NBPF15: variants seen among roughly 807,000 people sequenced by gnomAD.
The protein encoded by NBPF15 is NBPF family member NBPF15.
Under a neutral mutation model 62.2 loss-of-function variants are expected in NBPF15, and 74 were observed. That is an observed-to-expected ratio of 1.19 (90% confidence interval 0.99 to 1.44). NBPF15 has a LOEUF of 1.44. Ranked by LOEUF, NBPF15 falls within the 40% of genes most tolerant of loss-of-function variation. The probability of loss-of-function intolerance (pLI) is 0.00; values close to 1 mark genes in which losing one functional copy is unlikely to be tolerated. For synonymous variants in NBPF15, 244 were observed against 209.7 expected (o/e 1.16, Z -1.41); for missense variants, 790 against 550.0 (o/e 1.44, Z -4.36).
intron 1 of NBPF15, 127 bp downstream of exon 1, chr1:144,461,254 A>C (rs144861407): frequency 3.9e-5 from 6 of 151,988 alleles, no homozygotes; most frequent in Non-Finnish European, 8.8e-5. Flanking sequence ...CATGGAACTT[A>C]AGCCCCGGCG....
At chr1:144,423,455 G>T (rs1444432447) in intron 21 of NBPF15, among the ~76,000 whole-genome samples, 199 bp from the exon 22 acceptor site, 50 of 146,976 alleles carry the variant, frequency 3.4e-4, no homozygotes, top group Non-Finnish European at 6.7e-4. Flanking sequence ...GAGAAAGACA[G>T]AGAGAGAGAG....
At chr1:144,425,081 C>CAG (rs1668698360) in intron 19 of NBPF15, among the ~76,000 whole-genome samples, 1 of 144,356 alleles carries the variant, frequency 6.9e-6, no homozygotes, top group African/African-American at 2.7e-5. Context: ...CACACACACA[C>CAG]ACACACACAC....
At chr1:144,431,051 G>A (rs1441016700) in intron 13 of NBPF15, among the ~76,000 whole-genome samples, 1 of 151,724 alleles carries the variant, frequency 6.6e-6, no homozygotes, top group African/African-American at 2.4e-5. Context: ...AAATGAACAA[G>A]CCTCCAATAA....
chr1:144,444,948 G>C (rs1388838976), intron 6 of NBPF15, among the ~76,000 whole-genome samples: 1 of 151,816 alleles, frequency 6.6e-6, no homozygotes, highest in East Asian at 1.9e-4. Context: ...GAAACTGTTA[G>C]ATTTTCAAAG....
At chr1:144,430,886 C>T (rs1673695841) in intron 13 of NBPF15, among the ~76,000 whole-genome samples, 3 of 151,928 alleles carry the variant, frequency 2.0e-5, no homozygotes, top group East Asian at 1.9e-4. Flanking sequence ...CTTAAATGAC[C>T]TGATGGAGCT....
intron 6 of NBPF15, among the ~76,000 whole-genome samples, chr1:144,443,985 T>G (rs1338807817): frequency 6.6e-6 from 1 of 151,830 alleles, no homozygotes; most frequent in East Asian, 1.9e-4. Context: ...TTTCTATAAA[T>G]GAAATGATAC....
intron 8 of NBPF15, among the ~76,000 whole-genome samples, chr1:144,439,037 G>A (rs1389166938): frequency 6.6e-6 from 1 of 151,640 alleles, no homozygotes; most frequent in Non-Finnish European, 1.5e-5. Flanking sequence ...AGGCTGGAGT[G>A]CAATGGCAAA....
At chr1:144,453,499 A>C (rs1164636173) in intron 4 of NBPF15, among the ~76,000 whole-genome samples, 1 of 151,712 alleles carries the variant, frequency 6.6e-6, no homozygotes, top group Non-Finnish European at 1.5e-5. Flanking sequence ...AAAATTAAAA[A>C]CTTCTGTTCT....
At chr1:144,427,254 C>G (rs1303688229) in intron 16 of NBPF15, among the ~76,000 whole-genome samples, 156 bp from the exon 17 acceptor site, 13,532 of 147,598 alleles carry the variant, frequency 0.092, 1,705 homozygotes, top group African/African-American at 0.29. Flanking sequence ...GGCTGATCAC[C>G]ATAGAGATTC....
chr1:144,434,484 G>A (rs1414645890), intron 12 of NBPF15, among the ~76,000 whole-genome samples: 1 of 141,394 alleles, frequency 7.1e-6, no homozygotes, highest in African/African-American at 2.7e-5. Flanking sequence ...CTGGGTGACA[G>A]AGCAAGACTC....
At chr1:144,442,176 AT>A (rs1683683012) in intron 6 of NBPF15, among the ~76,000 whole-genome samples, 24 of 111,500 alleles carry the variant, frequency 2.2e-4, no homozygotes, top group African/African-American at 3.4e-4. Context: ...ATATATATAT[AT>A]ATAATATATA....
chr1:144,445,332 A>AATATATATATACATATATATATAT (rs1261424332), intron 6 of NBPF15, among the ~76,000 whole-genome samples: 4 of 92,544 alleles, frequency 4.3e-5, no homozygotes, highest in African/African-American at 1.6e-4. Flanking sequence ...CAAAACGGTG[A>AATATATATATACATATATATATAT]ATATATATAT....
rs782623754 is a variant in NBPF15, at chr1:144,426,410, A to T, written c.1306T>A (p.Leu436Met). 98 of 804,938 alleles carry T rather than the reference A, an allele frequency of 1.2e-4. 1 individual carries two copies. The East Asian group carries it at 2.4e-3, about 19-fold the overall frequency. The allele number at this position is 804,938 out of a possible 1,614,324, so 49.9% of individuals were successfully genotyped here. A position where few individuals can be genotyped will look rare whatever the true frequency, so the allele number is the denominator to read the frequency against. Residue 436 changes from leucine (L) to methionine (M), a missense_variant, in exon 18 of 22, where the codon TTG becomes ATG. Coordinates refer to ENST00000581897, the MANE Select transcript of NBPF15 (RefSeq NM_001385408.1). ...TAACATCTATCCAGTGAGTCCTGCA[A>T]GACTTCAGGCTCTTTCTCATCCAGC... Reference protein sequence around the residue: ...ELLDEKEPEVLQDSLDRCYST... With the variant: ...ELLDEKEPEVMQDSLDRCYST...
rs1553547358 is a variant in NBPF15 at position 144,457,576 on chromosome 1, C to G, written c.-700-771G>C. On this transcript the variant is annotated intron_variant, in intron 3 of 21. Coordinates refer to ENST00000581897, the MANE Select transcript of NBPF15 (RefSeq NM_001385408.1). ...TATGTTCCTTCATTCATTCCTTTAA[C>G]AAATATTTATTCAATATCTGTTTCA... Among the ~76,000 whole-genome samples, 6 of 151,900 alleles carry G rather than the reference C, an allele frequency of 3.9e-5. 1 individual carries two copies. The highest frequency in any genetic ancestry group is 4.4e-5 in the Non-Finnish European group (3 of 67,978).
At chr1:144,432,084 A>C (rs1210373705) in intron 13 of NBPF15, among the ~76,000 whole-genome samples, 1 of 152,162 alleles carries the variant, frequency 6.6e-6, no homozygotes, top group East Asian at 1.9e-4. Flanking sequence ...TTCCACAATC[A>C]TTGAACTAGT....
In NBPF15 at chr1:144,426,864, A is replaced by C. The variant is rs2101680295; in HGVS notation, c.1265+183T>G. Among the ~76,000 whole-genome samples the C allele has an allele frequency of 1.3e-5, 2 of 148,230 alleles. 1 individual carries two copies. Among genetic ancestry groups the C allele is most frequent in the Non-Finnish European group, 3.0e-5 (2 of 66,448 alleles). On this transcript the variant is annotated intron_variant, in intron 17 of 21. Coordinates refer to ENST00000581897, the MANE Select transcript of NBPF15 (RefSeq NM_001385408.1). Reference sequence around the variant, plus strand: ...ATGGTCAACCTATAGTAAGTTAGTAAATGATAAGGGGAGGAAGAAATGGAA... The same window carrying C: ...ATGGTCAACCTATAGTAAGTTAGTACATGATAAGGGGAGGAAGAAATGGAA...
chr1:144,434,572 G>A (rs1676818603), intron 12 of NBPF15, among the ~76,000 whole-genome samples: 1 of 147,908 alleles, frequency 6.8e-6, no homozygotes, highest in African/African-American at 2.5e-5. Flanking sequence ...TGACAGGGTG[G>A]AGAACCAGGG....
intron 15 of NBPF15, 82 bp from the exon 16 acceptor site, chr1:144,428,072 A>G: frequency 2.6e-6 from 2 of 777,140 alleles, no homozygotes; most frequent in Admixed American, 3.5e-5. Flanking sequence ...TGGCTAACAT[A>G]AGGAAGAGTT....
intron 16 of NBPF15, 108 bp downstream of exon 16, chr1:144,427,710 C>G (rs1388507378): frequency 1.1e-5 from 7 of 615,952 alleles, no homozygotes; most frequent in African/African-American, 2.0e-5. Context: ...ATAGGTCCTC[C>G]CTGTGGCAAT....
Sources: allele counts gnomAD v4.1 joint callset (sites outside exome capture counted in the v4.1 genomes callset), GRCh38; gene constraint gnomAD v4.1.1; transcripts MANE v1.5; gene names NCBI Gene and HGNC (gene_info 2026-07-23, HGNC 2026-07-21).